ZFPM1: variants seen among roughly 807,000 people sequenced by gnomAD.
ZFPM1 encodes the protein zinc finger protein ZFPM1.
In ZFPM1, 28 loss-of-function variants were observed where a neutral mutation model predicts 46.3. That is an observed-to-expected ratio of 0.60 (90% CI 0.45 to 0.83). The LOEUF (loss-of-function observed/expected upper bound fraction) is 0.83. ZFPM1 is among the 40% of genes least tolerant of loss of function. ZFPM1 has a pLI of 0.00. For missense variants in ZFPM1, 1,878 were observed against 1,432.4 expected, an observed-to-expected ratio of 1.31 and a Z score of -5.02; for synonymous variants, 957 against 675.9, an observed-to-expected ratio of 1.42 and a Z score of -6.45.
In ZFPM1 at chr16:88,533,409, A is replaced by T. The variant is rs1291446321; in HGVS notation, c.1451A>T (p.Gln484Leu). ...CTGGGCCCCGGAGAGCCTGGGCCCC[A>T]GGCCCCGTCGCGGACGCCGTCGCCG... ...PILGPGEPGP[Q>L]APSRTPSPRS... Residue 484 changes from glutamine to leucine, a missense_variant, in exon 10 of 10, where the codon CAG becomes CTG. By Grantham distance (113) the Gln-to-Leu change is moderately radical. Transcript: ENST00000319555. 3.1e-5 allele frequency: 46 copies of T among 1,498,520 alleles called. No homozygotes were observed. The highest frequency in any genetic ancestry group is 4.0e-5 in the Non-Finnish European group (45 of 1,132,774). The allele number at this position is 1,498,520 out of a possible 1,614,324, so 92.8% of individuals were successfully genotyped here.
intron 4 of ZFPM1, among the ~76,000 whole-genome samples, chr16:88,517,929 G>A (rs1391367037): frequency 1.3e-5 from 2 of 151,952 alleles, no homozygotes; most frequent in African/African-American, 4.8e-5. Context: ...GAGTGGGTGA[G>A]GCCAGGCGCA....
At chr16:88,527,427 G>T (rs1358404275) in intron 5 of ZFPM1, among the ~76,000 whole-genome samples, 123 of 152,316 alleles carry the variant, frequency 8.1e-4, no homozygotes, top group Admixed American at 8.0e-3. Flanking sequence ...GAGCACCCGG[G>T]GATGAAGCGG....
chr16:88,534,965 G>C lies in ZFPM1; in HGVS notation c.3007G>C (p.Glu1003Gln), dbSNP rs1430235719. The C allele has an allele frequency of 2.0e-6, 3 of 1,466,176 alleles. No individual in the cohort carries two copies. The highest frequency in any genetic ancestry group is 2.7e-6 in the Non-Finnish European group (3 of 1,096,798). The allele number at this position is 1,466,176 out of a possible 1,614,324, so 90.8% of individuals were successfully genotyped here. The change falls in exon 10 of 10, where the codon GAG (glutamate) becomes CAG (glutamine). Residue 1003 changes from glutamate (E) to glutamine (Q), a missense_variant. Transcript: ENST00000319555. ...GTATTACTGCTCCTCGCACGCCGCC[G>C]AGCACGTGAAGTGAGCGCCCACACT... ...KKYYCSSHAA[E>Q]HVK is the part of the protein sequence containing the mutation.
At chr16:88,522,896 T>A (rs1912009787) in intron 4 of ZFPM1, among the ~76,000 whole-genome samples, 1 of 152,170 alleles carries the variant, frequency 6.6e-6, no homozygotes, top group South Asian at 2.1e-4. Flanking sequence ...GGGCCTGGTT[T>A]GGAAGTTAAA....
At chr16:88,487,467 T>A (rs1261578274) in intron 2 of ZFPM1, among the ~76,000 whole-genome samples, 2 of 152,128 alleles carry the variant, frequency 1.3e-5, no homozygotes, top group African/African-American at 4.8e-5. Flanking sequence ...TGCGTGGGGC[T>A]GCCCCTGACG....
chr16:88,524,990 GC>G (rs1184738360), intron 4 of ZFPM1, among the ~76,000 whole-genome samples: 1 of 152,252 alleles, frequency 6.6e-6, no homozygotes, highest in Non-Finnish European at 1.5e-5. Flanking sequence ...CTGTGGCTGA[GC>G]CGTGTGGTAG....
intron 2 of ZFPM1, among the ~76,000 whole-genome samples, chr16:88,487,248 G>T (rs1481933300): frequency 5.9e-5 from 9 of 152,186 alleles, no homozygotes; most frequent in Non-Finnish European, 2.9e-5. Flanking sequence ...GAGAGAGACA[G>T]CAGCAGGTTG....
In ZFPM1 at chr16:88,534,096, C is replaced by T; in HGVS notation, c.2138C>T (p.Pro713Leu). Reference protein sequence around the residue: ...RYYCASRHDPPPRRPAAPPGP... With the variant: ...RYYCASRHDPLPRRPAAPPGP... ...TACTGCGCCTCGCGCCACGACCCGC[C>T]GCCGCGCCGACCGGCCGCGCCCCCG... The change falls in exon 10 of 10, where the codon CCG (proline) becomes CTG (leucine). Residue 713 changes from proline (P) to leucine (L), a missense_variant. Pro to Leu is a moderately conservative substitution (Grantham distance 98, BLOSUM62 -3). Transcript: ENST00000319555. The T allele has an allele frequency of 1.7e-6, 2 of 1,184,740 alleles. No homozygotes were observed. The highest frequency in any genetic ancestry group is 2.1e-6 in the Non-Finnish European group (2 of 936,314). The allele number at this position is 1,184,740 out of a possible 1,614,324, so 73.4% of individuals were successfully genotyped here.
intron 1 of ZFPM1, among the ~76,000 whole-genome samples, chr16:88,467,292 C>T (rs1386013178): frequency 6.6e-6 from 1 of 152,176 alleles, no homozygotes; most frequent in Admixed American, 6.5e-5. Flanking sequence ...TCCCCATGGC[C>T]CTGGTTCTCA....
intron 3 of ZFPM1, among the ~76,000 whole-genome samples, chr16:88,503,123 T>C (rs563103602): frequency 1.8e-3 from 279 of 152,350 alleles, no homozygotes; most frequent in Middle Eastern, 3.4e-3. Context: ...CAGTGCTTGA[T>C]TCAGGGGCCA....
At chr16:88,491,556 G>A (rs562186975) in intron 3 of ZFPM1, among the ~76,000 whole-genome samples, 1 of 152,310 alleles carries the variant, frequency 6.6e-6, no homozygotes, top group South Asian at 2.1e-4. Context: ...GCCACCCCAA[G>A]GGTCCCTGTC....
At chr16:88,501,580 G>A (rs796968208) in intron 3 of ZFPM1, among the ~76,000 whole-genome samples, 6,099 of 76,632 alleles carry the variant, frequency 0.08, 770 homozygotes, top group East Asian at 0.14. Context: ...GATAGCGGGT[G>A]TGGGTGCATG....
At chr16:88,459,952 C>G (rs1056151751) in intron 1 of ZFPM1, among the ~76,000 whole-genome samples, 9 of 151,374 alleles carry the variant, frequency 5.9e-5, no homozygotes, top group African/African-American at 2.2e-4. Flanking sequence ...CCCCTCAACC[C>G]TGCTGCTCAC....
At chr16:88,506,175 C>T (rs2142411435) in intron 3 of ZFPM1, among the ~76,000 whole-genome samples, 1 of 151,480 alleles carries the variant, frequency 6.6e-6, no homozygotes, top group Admixed American at 6.6e-5. Flanking sequence ...CCATGCCAGG[C>T]AGAAGGCAGA....
chr16:88,520,571 T>TGGGG (rs141913920), intron 4 of ZFPM1, among the ~76,000 whole-genome samples: 32,915 of 121,266 alleles, frequency 0.27, 4,933 homozygotes, highest in East Asian at 0.39. Context: ...GATGGATGGA[T>TGGGG]GGATGGATGG....
chr16:88,457,526 T>A (rs1310845181), intron 1 of ZFPM1, among the ~76,000 whole-genome samples: 2 of 152,228 alleles, frequency 1.3e-5, no homozygotes, highest in Non-Finnish European at 2.9e-5. Context: ...TCGTCCCCAG[T>A]CACCATCCTG....
intron 3 of ZFPM1, among the ~76,000 whole-genome samples, chr16:88,502,222 G>A (rs1286737105): frequency 2.0e-5 from 3 of 152,088 alleles, no homozygotes; most frequent in Non-Finnish European, 4.4e-5. Context: ...CAAAGGGGCC[G>A]CCATCGGCTC....
Position 88,490,058 on chromosome 16 carries a change from T to TA in ZFPM1, c.268+905_268+906insA, listed in dbSNP as rs1181272598. ...TACAGATGCAGCAAGTATTTATTAT[T>TA]TTTTTTTTTTTTTGAGATGGAGTCT... On this transcript the variant is annotated intron_variant, in intron 3 of 9. Coordinates refer to ENST00000319555, the MANE Select transcript of ZFPM1 (RefSeq NM_153813.3). Among the ~76,000 whole-genome samples, 241 of 137,422 alleles carry TA rather than the reference T, an allele frequency of 1.8e-3. 1 individual carries two copies. The highest frequency in any genetic ancestry group is 6.3e-3 in the African/African-American group (232 of 36,640). The allele number at this position is 137,422 out of a possible 152,430, so 90.2% of individuals were successfully genotyped here.
At chr16:88,530,533 C>T (rs944497996) in intron 6 of ZFPM1, 4 of 152,244 alleles carry the variant, frequency 2.6e-5, no homozygotes, top group African/African-American at 9.6e-5. Flanking sequence ...ATTCCAGGGT[C>T]AGATCCAGTT....
Sources: allele counts gnomAD v4.1 joint callset (sites outside exome capture counted in the v4.1 genomes callset), GRCh38; gene constraint gnomAD v4.1.1; transcripts MANE v1.5; gene names NCBI Gene and HGNC (gene_info 2026-07-23, HGNC 2026-07-21).